The following RAI1 variants were observed in gnomAD, a reference collection of about 807,000 sequenced individuals.
The protein encoded by RAI1 is retinoic acid induced 1.
RAI1 carries 9 observed loss-of-function variants against 123.8 expected under a neutral mutation model. The ratio of observed to expected loss-of-function variants is 0.07; its 90% CI spans 0.04 to 0.13. The LOEUF (loss-of-function observed/expected upper bound fraction) is 0.13. RAI1 is among the 10% of genes least tolerant of loss of function. The pLI is 1.00. For missense variants in RAI1, 2,256 were observed against 2,545.8 expected, an observed-to-expected ratio of 0.89 and a Z score of 2.45; for synonymous variants, 1,231 against 1,127.3, an observed-to-expected ratio of 1.09 and a Z score of -1.84.
At chr17:17,775,167 C>T (rs968822383) in intron 2 of RAI1, among the ~76,000 whole-genome samples, 11 of 151,366 alleles carry the variant, frequency 7.3e-5, no homozygotes, top group African/African-American at 2.7e-4. Context: ...GGGTTAGGGA[C>T]GCTGACCCCC....
chr17:17,774,911 C>T (rs1389540035), intron 2 of RAI1, among the ~76,000 whole-genome samples: 1 of 152,156 alleles, frequency 6.6e-6, no homozygotes, highest in Admixed American at 6.6e-5. Context: ...CCCAAGCCCC[C>T]ACAGCAAGGC....
intron 2 of RAI1, among the ~76,000 whole-genome samples, chr17:17,728,404 G>A (rs774941374): frequency 1.3e-5 from 2 of 152,154 alleles, no homozygotes; most frequent in African/African-American, 4.8e-5. Context: ...AATTAAAAAC[G>A]ATTATATCCT....
At chr17:17,733,578 A>G (rs563484396) in intron 2 of RAI1, among the ~76,000 whole-genome samples, 1 of 152,306 alleles carries the variant, frequency 6.6e-6, no homozygotes, top group African/African-American at 2.4e-5. Context: ...ACTGGATCTC[A>G]GGGAAGTGAC....
chr17:17,796,413 C>T lies in RAI1; in HGVS notation c.3465C>T (p.Ile1155=). Residue 1155 remains isoleucine, a synonymous_variant, in exon 3 of 6, where the codon ATC becomes ATT. Coordinates refer to ENST00000353383, the MANE Select transcript of RAI1 (RefSeq NM_030665.4). The surrounding 1 kb of genome is among the most constrained non-coding windows in gnomAD (Gnocchi z 5.8). ...ILRSRTKTQE[I]FHSKRRRPSE... Reference sequence around the variant, plus strand: ...GGTCACGCACCAAAACCCAGGAGATCTTCCACTCCAAGCGGCGGAGGCCCT... The same window carrying T: ...GGTCACGCACCAAAACCCAGGAGATTTTCCACTCCAAGCGGCGGAGGCCCT... 1 of 1,613,692 alleles carries T rather than the reference C, an allele frequency of 6.2e-7. No individual in the cohort carries two copies. Among genetic ancestry groups the T allele is most frequent in the Non-Finnish European group, 8.5e-7 (1 of 1,180,026 alleles).
At chr17:17,755,973 C>T (rs2030422275) in intron 2 of RAI1, among the ~76,000 whole-genome samples, 1 of 152,224 alleles carries the variant, frequency 6.6e-6, no homozygotes, top group Non-Finnish European at 1.5e-5. Flanking sequence ...CCAGTGTCCC[C>T]AGTGCGGCCC....
intron 1 of RAI1, among the ~76,000 whole-genome samples, chr17:17,686,658 G>C (rs1294975598): frequency 2.0e-5 from 3 of 150,246 alleles, no homozygotes; most frequent in Non-Finnish European, 4.4e-5. Flanking sequence ...AAACATGAGG[G>C]CAGAGAGGTG....
chr17:17,797,598 T>G lies in RAI1; in HGVS notation c.4650T>G (p.Ser1550=), dbSNP rs1224860567. Residue 1550 remains serine, a synonymous_variant, in exon 3 of 6, where the codon TCT becomes TCG. Transcript: ENST00000353383. ...GGGGCCGGGCCAAGAACACCACCTC[T>G]TCACCCTGTAAGGGGCGTGCCAAGC... ...LTRGRAKNTT[S]SPCKGRAKRR... The G allele has an allele frequency of 1.9e-6, 3 of 1,613,988 alleles. No homozygotes were observed. The highest frequency in any genetic ancestry group is 1.1e-5 in the South Asian group (1 of 91,086).
intron 2 of RAI1, among the ~76,000 whole-genome samples, chr17:17,763,687 G>A (rs891247685): frequency 1.3e-5 from 2 of 152,162 alleles, no homozygotes; most frequent in African/African-American, 4.8e-5. Flanking sequence ...TAGAATCCAC[G>A]GGACTCATAG....
Position 17,795,930 on chromosome 17 carries a change from G to C in RAI1, c.2982G>C (p.Arg994=), listed in dbSNP as rs529394637. The C allele has an allele frequency of 3.7e-6, 6 of 1,609,474 alleles. No homozygotes were observed. The highest frequency in any genetic ancestry group is 5.1e-6 in the Non-Finnish European group (6 of 1,179,330). ...TCGCAAAGAAAGAGCCTGTGCCACG[G>C]GGCAAAAGCTTACGGAGCCGTCGGG... is the stretch of plus-strand genomic sequence containing the variant. ...APIAKKEPVP[R]GKSLRSRRVH... The change falls in exon 3 of 6, where the codon CGG becomes CGC. Residue 994 remains arginine, a synonymous_variant. Coordinates refer to ENST00000353383, the MANE Select transcript of RAI1 (RefSeq NM_030665.4). This position sits in a 1 kb window ranked among gnomAD's most constrained non-coding sequence, Gnocchi z 5.9.
intron 2 of RAI1, among the ~76,000 whole-genome samples, chr17:17,769,956 C>T (rs1271765759): frequency 1.3e-5 from 2 of 152,118 alleles, no homozygotes; most frequent in Non-Finnish European, 2.9e-5. Context: ...AGGATGGGAC[C>T]GAGGAGCAGC....
At chr17:17,778,399 A>ATT (rs1046473348) in intron 2 of RAI1, 15 of 259,916 alleles carry the variant, frequency 5.8e-5, no homozygotes, top group Non-Finnish European at 1.0e-4. Context: ...TACCAAGCAC[A>ATT]TTATCCCATT....
intron 2 of RAI1, among the ~76,000 whole-genome samples, chr17:17,780,929 G>C (rs2031553279): frequency 6.6e-6 from 1 of 152,164 alleles, no homozygotes; most frequent in South Asian, 2.1e-4. Flanking sequence ...AGTGTCCCGG[G>C]CCCAGCACTC....
intron 2 of RAI1, among the ~76,000 whole-genome samples, chr17:17,728,181 G>A (rs2142941905): frequency 6.6e-6 from 1 of 152,154 alleles, no homozygotes; most frequent in East Asian, 1.9e-4. Context: ...ATGTGTGCAT[G>A]TCTGTGTGTG....
At chr17:17,782,087 A>G (rs1321778819) in intron 2 of RAI1, 4 of 151,930 alleles carry the variant, frequency 2.6e-5, no homozygotes, top group South Asian at 4.1e-4. Context: ...CCCGGTTCCA[A>G]TATTTCGCAG....
Position 17,773,932 on chromosome 17 carries a change from ATATT to A in RAI1, c.-16-18997_-16-18994del, listed in dbSNP as rs564054800. Among the ~76,000 whole-genome samples, 9 of 152,212 alleles carry A rather than the reference ATATT, an allele frequency of 5.9e-5. No homozygotes were observed. In the South Asian group the frequency reaches 1.9e-3, roughly 32 times the overall value. On this transcript the variant is annotated intron_variant, in intron 2 of 5. Coordinates refer to ENST00000353383, the MANE Select transcript of RAI1 (RefSeq NM_030665.4). ...AATGTCTATATTATTTATAATTTGT[ATATT>A]TATATATAATTTATTTAACTGCATC...
intron 2 of RAI1, among the ~76,000 whole-genome samples, chr17:17,760,431 G>A (rs140617815): frequency 2.0e-3 from 303 of 152,264 alleles, no homozygotes; most frequent in Non-Finnish European, 3.2e-3. Flanking sequence ...ACTGTACCCA[G>A]AAGTTTGGCT....
chr17:17,690,854 A>G (rs1914813609), intron 1 of RAI1, among the ~76,000 whole-genome samples: 1 of 152,086 alleles, frequency 6.6e-6, no homozygotes, highest in Non-Finnish European at 1.5e-5. Flanking sequence ...GTCACCCAGC[A>G]TTCTGGCTTG....
In RAI1 at chr17:17,799,672, G is replaced by A. The variant is rs2032389376; in HGVS notation, c.5565+1159G>A. 6.6e-6 allele frequency among the ~76,000 whole-genome samples: 1 copy of A among 152,162 alleles called. No homozygotes were observed. The highest frequency in any genetic ancestry group is 1.5e-5 in the Non-Finnish European group (1 of 68,014). On this transcript the variant is annotated intron_variant, in intron 3 of 5. Coordinates refer to ENST00000353383, the MANE Select transcript of RAI1 (RefSeq NM_030665.4). The surrounding 1 kb of genome is among the most constrained non-coding windows in gnomAD (Gnocchi z 4.5). ...GCTGAGGTCACAGGGGAGCCAGAGGGGCTTGGCAGGGGTCTCCAGAGGCCC... is the reference window on the plus strand; with the variant it reads ...GCTGAGGTCACAGGGGAGCCAGAGGAGCTTGGCAGGGGTCTCCAGAGGCCC...
intron 2 of RAI1, among the ~76,000 whole-genome samples, chr17:17,724,964 G>T (rs1004709956): frequency 6.6e-6 from 1 of 150,538 alleles, no homozygotes; most frequent in Non-Finnish European, 1.5e-5. Context: ...CGGTCGAGTG[G>T]CCAGGCTGAC....
Sources: allele counts gnomAD v4.1 joint callset (sites outside exome capture counted in the v4.1 genomes callset), GRCh38; gene constraint gnomAD v4.1.1; non-coding constraint Gnocchi (gnomAD v3.1); transcripts MANE v1.5; gene names NCBI Gene and HGNC (gene_info 2026-07-23, HGNC 2026-07-21).